Variants in LHFPL3 observed in about 807,000 individuals in gnomAD.
The protein encoded by LHFPL3 is LHFPL tetraspan subfamily member 3 protein.
LHFPL3 carries 5 observed loss-of-function variants against 19.3 expected under a neutral mutation model. That is an observed-to-expected ratio of 0.26 (90% CI 0.14 to 0.54). LHFPL3 has a LOEUF of 0.54. Among genes scored for constraint, LHFPL3 ranks in the 20% least tolerant of loss-of-function variants. LHFPL3 has a pLI of 0.94. For missense variants in LHFPL3, 249 were observed against 307.4 expected (o/e 0.81, Z 1.42); for synonymous variants, 133 against 126.2 (o/e 1.05, Z -0.36).
intron 1 of LHFPL3, among the ~76,000 whole-genome samples, chr7:104,374,978 C>T (rs567009344): frequency 6.6e-6 from 1 of 152,336 alleles, no homozygotes; most frequent in East Asian, 1.9e-4. Flanking sequence ...ACACTATTTG[C>T]TTCGAGCAAT....
At chr7:104,591,244 G>T (rs1276349416) in intron 1 of LHFPL3, among the ~76,000 whole-genome samples, 1 of 152,176 alleles carries the variant, frequency 6.6e-6, no homozygotes, top group East Asian at 1.9e-4. Flanking sequence ...TTTTGCAGTG[G>T]CTGGGACCAG....
At chr7:104,506,478 C>A (rs950689024) in intron 1 of LHFPL3, among the ~76,000 whole-genome samples, 1 of 152,182 alleles carries the variant, frequency 6.6e-6, no homozygotes, top group Non-Finnish European at 1.5e-5. Context: ...TTGTCTCTGC[C>A]ACTAGATTGT....
At chr7:104,756,197 A>C (rs1401575728) in intron 2 of LHFPL3, among the ~76,000 whole-genome samples, 1 of 152,182 alleles carries the variant, frequency 6.6e-6, no homozygotes, top group African/African-American at 2.4e-5. Flanking sequence ...AAAGCAAATG[A>C]GAAGTAAGGA....
intron 1 of LHFPL3, among the ~76,000 whole-genome samples, chr7:104,451,206 T>A (rs1792430366): frequency 6.6e-6 from 1 of 152,148 alleles, no homozygotes; most frequent in Non-Finnish European, 1.5e-5. Context: ...CATGGAAATA[T>A]CTGAAAGGGT....
At chr7:104,579,778 T>C (rs1018817960) in intron 1 of LHFPL3, among the ~76,000 whole-genome samples, 1 of 152,220 alleles carries the variant, frequency 6.6e-6, no homozygotes, top group Non-Finnish European at 1.5e-5. Flanking sequence ...CAGTAATTAC[T>C]GAGCACCCAT....
chr7:104,666,433 C>T (rs1792343745), intron 1 of LHFPL3, among the ~76,000 whole-genome samples: 5 of 142,690 alleles, frequency 3.5e-5, no homozygotes, highest in Admixed American at 2.9e-4. Context: ...CAGTATTTGT[C>T]TTTTTGTGCC....
chr7:104,328,768 AGGAGG>A lies in LHFPL3; in HGVS notation c.-9_-5del, dbSNP rs750295420. 2.1e-5 allele frequency: 32 copies of A among 1,503,118 alleles called. No homozygotes were observed. The highest frequency in any genetic ancestry group is 2.7e-5 in the Non-Finnish European group (30 of 1,112,916). The allele number at this position is 1,503,118 out of a possible 1,614,324, so 93.1% of individuals were successfully genotyped here. A position where few individuals can be genotyped will look rare whatever the true frequency, so the allele number is the denominator to read the frequency against. ...GACCAGGAGGAGGAGGAGGAGGAGG[AGGAGG>A]GGGAGAATGCCCGGAGCCGCCGCCG... is the stretch of plus-strand genomic sequence containing the variant. On this transcript the variant is annotated 5_prime_UTR_variant, in exon 1 of 3. Coordinates refer to ENST00000424859, the MANE Select transcript of LHFPL3 (RefSeq NM_199000.3). This position sits in a 1 kb window ranked among gnomAD's most constrained non-coding sequence, Gnocchi z 4.6.
chr7:104,746,954 A>C (rs911062456), intron 2 of LHFPL3, among the ~76,000 whole-genome samples: 1 of 152,170 alleles, frequency 6.6e-6, no homozygotes, highest in African/African-American at 2.4e-5. Flanking sequence ...AGGCCTCATG[A>C]AGATCTGGAG....
chr7:104,446,943 G>A (rs561675092), intron 1 of LHFPL3, among the ~76,000 whole-genome samples: 2 of 152,092 alleles, frequency 1.3e-5, no homozygotes, highest in African/African-American at 4.8e-5. Context: ...CTGGAATTTT[G>A]TCTTAATTAT....
chr7:104,328,699 CGTGA>C lies in LHFPL3; in HGVS notation c.-77_-74del, dbSNP rs878983741. 2.3e-6 allele frequency: 3 copies of C among 1,279,902 alleles called. No individual in the cohort carries two copies. The highest frequency in any genetic ancestry group is 3.3e-6 in the Non-Finnish European group (3 of 922,714). The allele number at this position is 1,279,902 out of a possible 1,614,324, so 79.3% of individuals were successfully genotyped here. A position where few individuals can be genotyped will look rare whatever the true frequency, so the allele number is the denominator to read the frequency against. On this transcript the variant is annotated 5_prime_UTR_variant, in exon 1 of 3. Coordinates refer to ENST00000424859, the MANE Select transcript of LHFPL3 (RefSeq NM_199000.3). This position sits in a 1 kb window ranked among gnomAD's most constrained non-coding sequence, Gnocchi z 4.6. ...AGGGGAGTTGCAGCGCGCGAGGCTCCGTGAGTGTGTCTCCTGCGCGCTGAGAGGC... is the reference window on the plus strand; with the variant it reads ...AGGGGAGTTGCAGCGCGCGAGGCTCCGTGTGTCTCCTGCGCGCTGAGAGGC...
intron 2 of LHFPL3, chr7:104,826,398 C>A: frequency 6.2e-6 from 1 of 161,366 alleles, no homozygotes; most frequent in South Asian, 1.8e-4. Flanking sequence ...TCAGCGCAGT[C>A]CATCCCACGC....
chr7:104,660,118 T>C (rs1349952345), intron 1 of LHFPL3, among the ~76,000 whole-genome samples: 3 of 151,922 alleles, frequency 2.0e-5, no homozygotes, highest in African/African-American at 4.8e-5. Context: ...TCTCCTGCCT[T>C]AGCCTCCGAA....
At chr7:104,386,098 C>T (rs538050865) in intron 1 of LHFPL3, among the ~76,000 whole-genome samples, 3 of 152,300 alleles carry the variant, frequency 2.0e-5, no homozygotes, top group African/African-American at 4.8e-5. Context: ...CCCCCAGCTC[C>T]GTGGTAGCCT....
rs550065451 is a variant in LHFPL3, at chr7:104,348,010, A to G, written c.445+18786A>G. Among the ~76,000 whole-genome samples the G allele has an allele frequency of 6.1e-4, 93 of 152,304 alleles. 1 individual carries two copies. The highest frequency in any genetic ancestry group is 2.0e-3 in the African/African-American group (82 of 41,568). ...GACAATTTCTCAGCTCTTTATAGAG[A>G]AAGGGTTAACATACTGATTTTTCCC... is the stretch of plus-strand genomic sequence containing the variant. On this transcript the variant is annotated intron_variant, in intron 1 of 2. Transcript: ENST00000424859.
At chr7:104,445,579 T>C (rs936838940) in intron 1 of LHFPL3, among the ~76,000 whole-genome samples, 4 of 152,218 alleles carry the variant, frequency 2.6e-5, no homozygotes, top group African/African-American at 9.7e-5. Context: ...CCTAGAATTA[T>C]CCTTTCTTGT....
chr7:104,721,336 A>G (rs531894582), intron 1 of LHFPL3, among the ~76,000 whole-genome samples: 1 of 152,294 alleles, frequency 6.6e-6, no homozygotes, highest in East Asian at 1.9e-4. Context: ...GGAACTGAAC[A>G]ATGAGATCAC....
intron 2 of LHFPL3, among the ~76,000 whole-genome samples, chr7:104,872,847 C>T (rs759926965): frequency 2.0e-5 from 3 of 152,234 alleles, no homozygotes; most frequent in African/African-American, 7.2e-5. Context: ...AGTAGGAGTA[C>T]ACTCTAAAAT....
chr7:104,711,497 G>A (rs1474371205), intron 1 of LHFPL3, among the ~76,000 whole-genome samples: 2 of 152,200 alleles, frequency 1.3e-5, no homozygotes, highest in Non-Finnish European at 2.9e-5. Context: ...GCAGGGTGGT[G>A]GCCAAGCAGT....
chr7:104,649,346 C>A (rs1004703838), intron 1 of LHFPL3, among the ~76,000 whole-genome samples: 1 of 152,204 alleles, frequency 6.6e-6, no homozygotes, highest in Admixed American at 6.5e-5. Context: ...TGCGGTCCCA[C>A]CAGAGGATCC....
Sources: gnomAD v4.1 joint callset for allele counts (sites outside exome capture counted in the v4.1 genomes callset) on GRCh38, gnomAD v4.1.1 for gene constraint, Gnocchi (gnomAD v3.1) non-coding constraint, MANE v1.5 for transcripts, NCBI Gene and HGNC (gene_info 2026-07-23, HGNC 2026-07-21) for gene names.